The following HAUS7 variants were observed in gnomAD, a reference collection of about 807,000 sequenced individuals.
The protein encoded by HAUS7 is HAUS augmin like complex subunit 7, also known as HAUS augmin-like complex subunit 7.
In HAUS7, 3 loss-of-function variants were observed where a neutral mutation model predicts 28.4. The ratio of observed to expected loss-of-function variants is 0.11; its 90% CI spans 0.05 to 0.27. The LOEUF (loss-of-function observed/expected upper bound fraction) is 0.27, where lower values mean the gene tolerates loss of function less well. Among genes scored for constraint, HAUS7 ranks in the 10% least tolerant of loss-of-function variants. The probability of loss-of-function intolerance (pLI) is 1.00; values close to 1 mark genes in which losing one functional copy is unlikely to be tolerated. For synonymous variants in HAUS7, 165 were observed against 132.1 expected, an observed-to-expected ratio of 1.25 and a Z score of -1.71; for missense variants, 284 against 297.3, an observed-to-expected ratio of 0.96 and a Z score of 0.33.
upstream of HAUS7, among the ~76,000 whole-genome samples, chrX:153,475,422 A>C (rs1352651385): frequency 9.2e-6 from 1 of 109,144 alleles, no homozygotes; most frequent in Non-Finnish European, 1.9e-5. Context: ...GCTCAGGATC[A>C]CCAGGTCTCA....
At chrX:153,484,553 C>A (rs1016630644) in intron 1 of HAUS7, among the ~76,000 whole-genome samples, 1 of 110,503 alleles carries the variant, frequency 9.0e-6, no homozygotes, top group African/African-American at 3.3e-5. Flanking sequence ...GGCCTGATGA[C>A]CACCAAGGCA....
chrX:153,456,649 A>G lies in HAUS7; in HGVS notation c.449T>C (p.Leu150Pro), dbSNP rs143685168. 19 of 1,170,161 alleles carry G rather than the reference A, an allele frequency of 1.6e-5. No individual in the cohort carries two copies. In the African/African-American group the frequency reaches 2.9e-4, roughly 18 times the overall value. The change falls in exon 6 of 10, where the codon CTG becomes CCG. Residue 150 changes from leucine to proline, a missense_variant and splice_region_variant. Leu to Pro is a moderately conservative substitution (Grantham distance 98). Coordinates refer to ENST00000370211, the MANE Select transcript of HAUS7 (RefSeq NM_001385482.1). ...CCTGGTGTCCTCGAAGTGCTCCATC[A>G]GGCTGCAAAGGCAGCCCCCAGGGCC... is the stretch of plus-strand genomic sequence containing the variant. ...LTIGCSSCSS[L>P]MEHFEDTREK...
At chrX:153,449,129 C>G in intron 9 of HAUS7, among the ~76,000 whole-genome samples, 1 of 112,256 alleles carries the variant, frequency 8.9e-6, no homozygotes, top group South Asian at 3.7e-4. Flanking sequence ...CCCCAGCAGA[C>G]AGAGGAGGAC....
chrX:153,466,480 T>C (rs1658365445), intron 2 of HAUS7, among the ~76,000 whole-genome samples: 1 of 112,156 alleles, frequency 8.9e-6, no homozygotes, highest in Non-Finnish European at 1.9e-5. Context: ...GGGGGCTCCA[T>C]GAGCTCTGCC....
At chrX:153,474,965 C>T (rs1556985998), upstream of HAUS7, among the ~76,000 whole-genome samples, 2 of 110,537 alleles carry the variant, frequency 1.8e-5, no homozygotes, top group East Asian at 2.9e-4. Flanking sequence ...GAAGCGAGGG[C>T]GCCAGGACGG....
intron 1 of HAUS7, among the ~76,000 whole-genome samples, chrX:153,470,185 G>C (rs2089503632): frequency 8.8e-6 from 1 of 113,293 alleles, no homozygotes; most frequent in South Asian, 3.5e-4. Context: ...CGAGCGCCCA[G>C]CGCGGGTACT....
intron 1 of HAUS7, chrX:153,480,953 A>G (rs1269599641): frequency 3.4e-5 from 26 of 754,235 alleles, no homozygotes; most frequent in Non-Finnish European, 3.9e-5. Context: ...GCCAGAGGAC[A>G]GGAGGCCGGG....
chrX:153,457,969 G>A (rs1204365736), intron 4 of HAUS7, among the ~76,000 whole-genome samples: 1 of 113,350 alleles, frequency 8.8e-6, no homozygotes, highest in Non-Finnish European at 1.9e-5. Flanking sequence ...TCAACTCCAT[G>A]GCATGAAATG....
intron 1 of HAUS7, among the ~76,000 whole-genome samples, chrX:153,477,634 C>T (rs782167111): frequency 3.5e-5 from 4 of 112,837 alleles, no homozygotes; most frequent in East Asian, 2.8e-4. Context: ...GTCCCAGCTT[C>T]GGCAGCTGCC....
At chrX:153,450,109 G>A (rs1477715798) in intron 9 of HAUS7, among the ~76,000 whole-genome samples, 1 of 111,868 alleles carries the variant, frequency 8.9e-6, no homozygotes, top group Non-Finnish European at 1.9e-5. Flanking sequence ...CTGCTGTGGT[G>A]GAGCCGTTGC....
chrX:153,456,946 G>T (rs1015191456), intron 5 of HAUS7, 191 bp downstream of exon 5: 2 of 443,291 alleles, frequency 4.5e-6, no homozygotes, highest in East Asian at 3.7e-5. Context: ...GCAACAGCCA[G>T]CACCCTTGGG....
intron 1 of HAUS7, chrX:153,495,171 C>T (rs1277777903): frequency 9.0e-6 from 1 of 110,835 alleles, no homozygotes; most frequent in Non-Finnish European, 1.9e-5. Flanking sequence ...GGCTCTGCTG[C>T]CTCCGCTGTC....
intron 9 of HAUS7, among the ~76,000 whole-genome samples, chrX:153,452,229 T>G (rs2089248524): frequency 9.0e-6 from 1 of 111,378 alleles, no homozygotes; most frequent in Non-Finnish European, 1.9e-5. Flanking sequence ...AATGAGGGAG[T>G]TCATCACTAG....
intron 8 of HAUS7, 26 bp downstream of exon 8, chrX:153,455,516 A>G (rs1281659937): frequency 1.0e-6 from 1 of 983,974 alleles, no homozygotes; most frequent in Non-Finnish European, 1.4e-6. Flanking sequence ...GGGGGCGGTT[A>G]GAGGGGAGGG....
intron 1 of HAUS7, among the ~76,000 whole-genome samples, chrX:153,488,159 C>T (rs1238305227): frequency 1.8e-5 from 2 of 113,174 alleles, no homozygotes; most frequent in African/African-American, 6.4e-5. Context: ...CCGTCCCTGT[C>T]CTCTGTCCCT....
intron 3 of HAUS7, 64 bp from the exon 4 acceptor site, chrX:153,462,735 C>T (rs189327601): frequency 8.2e-6 from 7 of 857,163 alleles, no homozygotes; most frequent in Non-Finnish European, 1.2e-5. Context: ...ACAGCAGACA[C>T]CCAGGAAGCC....
At chrX:153,463,551 A>G (rs2089419666) in intron 3 of HAUS7, among the ~76,000 whole-genome samples, 1 of 112,310 alleles carries the variant, frequency 8.9e-6, no homozygotes, top group Non-Finnish European at 1.9e-5. Flanking sequence ...TTCCCCGGGC[A>G]CCCTGTTCCC....
chrX:153,451,686 C>T (rs1556981096), intron 9 of HAUS7, among the ~76,000 whole-genome samples: 1 of 112,165 alleles, frequency 8.9e-6, no homozygotes, highest in African/African-American at 3.2e-5. Context: ...TGCATAATAG[C>T]CGGGGCAAAC....
chrX:153,480,050 A>G (rs1279455975), intron 1 of HAUS7, among the ~76,000 whole-genome samples: 2 of 112,017 alleles, frequency 1.8e-5, no homozygotes, highest in African/African-American at 6.5e-5. Flanking sequence ...GCCAGGTCGC[A>G]GCGACCCCTT....
Sources: allele counts gnomAD v4.1 joint callset (sites outside exome capture counted in the v4.1 genomes callset), GRCh38; gene constraint gnomAD v4.1.1; transcripts MANE v1.5; gene names NCBI Gene and HGNC (gene_info 2026-07-23, HGNC 2026-07-21).